The following TBC1D9B variants were observed in gnomAD, a reference collection of about 807,000 sequenced individuals.
The protein encoded by TBC1D9B is TBC1 domain family member 9B.
Under a neutral mutation model 121.1 loss-of-function variants are expected in TBC1D9B, and 87 were observed. That is an observed-to-expected ratio of 0.72 (90% CI 0.60 to 0.86). TBC1D9B has a LOEUF of 0.86. Ranked by LOEUF, TBC1D9B falls within the 40% of genes least tolerant of loss-of-function variation. The probability of loss-of-function intolerance (pLI) is 0.00; values close to 1 mark genes in which losing one functional copy is unlikely to be tolerated. For synonymous variants in TBC1D9B, 668 were observed against 670.1 expected (o/e 1.00, Z 0.05); for missense variants, 1,540 against 1,628.6 (o/e 0.95, Z 0.94).
intron 7 of TBC1D9B, among the ~76,000 whole-genome samples, chr5:179,886,426 A>G (rs994140431): frequency 1.3e-5 from 2 of 152,052 alleles, no homozygotes; most frequent in Non-Finnish European, 2.9e-5. Flanking sequence ...GTGGGGCCTC[A>G]TGGAGGCAGA....
intron 8 of TBC1D9B, 108 bp from the exon 9 acceptor site, chr5:179,879,305 A>G: frequency 1.4e-6 from 2 of 1,459,030 alleles, no homozygotes; most frequent in Non-Finnish European, 1.8e-6. Context: ...CTGGCCAGCA[A>G]GTGTGGCCTT....
Position 179,874,651 on chromosome 5 carries a change from A to G in TBC1D9B, c.2186+251T>C, listed in dbSNP as rs1490814329. ...TCAGGGGAAGCATCTCCAACCCTAC[A>G]TCTGAGCGGTGGCCCTCCAGCCAGC... On this transcript the variant is annotated intron_variant, in intron 12 of 20. Coordinates refer to ENST00000355235, the MANE Select transcript of TBC1D9B (RefSeq NM_015043.4). This position sits in a 1 kb window ranked among gnomAD's most constrained non-coding sequence, Gnocchi z 4.3. Among the ~76,000 whole-genome samples the G allele has an allele frequency of 2.0e-5, 3 of 152,166 alleles. No homozygotes were observed. The highest frequency in any genetic ancestry group is 1.9e-4 in the East Asian group (1 of 5,182).
chr5:179,907,592 G>T lies in TBC1D9B; in HGVS notation c.118+112C>A. ...CCGCCGCGCGCTGGCGTGCGTGTCCGCCGCGACGCGCCGAGGCCGGGCCGG... is the reference window on the plus strand; with the variant it reads ...CCGCCGCGCGCTGGCGTGCGTGTCCTCCGCGACGCGCCGAGGCCGGGCCGG... On this transcript the variant is annotated intron_variant, in intron 1 of 20. Coordinates refer to ENST00000355235, the MANE Select transcript of TBC1D9B (RefSeq NM_015043.4). The surrounding 1 kb of genome is among the most constrained non-coding windows in gnomAD (Gnocchi z 5.3). 2 of 518,846 alleles carry T rather than the reference G, an allele frequency of 3.9e-6. No homozygotes were observed. The highest frequency in any genetic ancestry group is 4.9e-6 in the Non-Finnish European group (2 of 406,558). The allele number at this position is 518,846 out of a possible 1,614,324, so 32.1% of individuals were successfully genotyped here. A position where few individuals can be genotyped will look rare whatever the true frequency, so the allele number is the denominator to read the frequency against.
chr5:179,870,127 T>C, intron 16 of TBC1D9B, 128 bp downstream of exon 16: 1 of 1,473,186 alleles, frequency 6.8e-7, no homozygotes, highest in Admixed American at 1.9e-5. Flanking sequence ...TTCCCGTATC[T>C]AGGGCCAGGG....
chr5:179,877,383 C>A lies in TBC1D9B; in HGVS notation c.1782+926G>T, dbSNP rs540578171. Among the ~76,000 whole-genome samples, 9 of 151,008 alleles carry A rather than the reference C, an allele frequency of 6.0e-5. No individual in the cohort carries two copies. The South Asian group carries it at 1.5e-3, about 25-fold the overall frequency. ...AATAAATTAAAAATAGAAATACTGGCCAGGCACAGTGGCTCACGCCTGTAA... is the reference window on the plus strand; with the variant it reads ...AATAAATTAAAAATAGAAATACTGGACAGGCACAGTGGCTCACGCCTGTAA... On this transcript the variant is annotated intron_variant, in intron 10 of 20. Coordinates refer to ENST00000355235, the MANE Select transcript of TBC1D9B (RefSeq NM_015043.4).
At chr5:179,873,058 C>A (rs1156774630) in intron 13 of TBC1D9B, 61 bp downstream of exon 13, 19 of 1,612,846 alleles carry the variant, frequency 1.2e-5, no homozygotes, top group Middle Eastern at 3.3e-4. Flanking sequence ...CTGCCCATAG[C>A]CACCCCAACC....
chr5:179,872,848 G>GGCCCCCCCCCCCCCCCCCCCCC, intron 14 of TBC1D9B, 44 bp downstream of exon 14: 24 of 1,457,180 alleles, frequency 1.6e-5, no homozygotes, highest in East Asian at 4.8e-5. Flanking sequence ...AGGCACTGCT[G>GGCCCCCCCCCCCCCCCCCCCCC]CCCCCCCAGC....
intron 17 of TBC1D9B, chr5:179,868,774 A>T (rs930869592): frequency 6.6e-6 from 1 of 152,582 alleles, no homozygotes; most frequent in East Asian, 1.9e-4. Flanking sequence ...GGGTGAGTGT[A>T]GCGGGCATGG....
chr5:179,874,411 G>T lies in TBC1D9B; in HGVS notation c.2186+491C>A, dbSNP rs544637523. ...TGGGGACTAAGGAGGGGGTGGAGGGGCTGGGATGACCCTGGACATTTGGCG... is the reference window on the plus strand; with the variant it reads ...TGGGGACTAAGGAGGGGGTGGAGGGTCTGGGATGACCCTGGACATTTGGCG... On this transcript the variant is annotated intron_variant, in intron 12 of 20. Transcript: ENST00000355235. The surrounding 1 kb of genome is among the most constrained non-coding windows in gnomAD (Gnocchi z 4.3). Among the ~76,000 whole-genome samples, 12 of 152,154 alleles carry T rather than the reference G, an allele frequency of 7.9e-5. No homozygotes were observed. The South Asian group carries it at 2.5e-3, about 32-fold the overall frequency.
chr5:179,882,848 A>G (rs941282077), intron 7 of TBC1D9B, among the ~76,000 whole-genome samples: 4 of 151,986 alleles, frequency 2.6e-5, no homozygotes, highest in African/African-American at 9.7e-5. Context: ...CCCCAACAAA[A>G]AGTTACTCTA....
At chr5:179,893,020 T>C (rs1472104969) in intron 5 of TBC1D9B, among the ~76,000 whole-genome samples, 189 bp downstream of exon 5, 1 of 152,240 alleles carries the variant, frequency 6.6e-6, no homozygotes, top group East Asian at 1.9e-4. Context: ...ACATCACTGC[T>C]ATCTCCTGCT....
At chr5:179,884,849 G>A (rs1760634096) in intron 7 of TBC1D9B, among the ~76,000 whole-genome samples, 1 of 152,190 alleles carries the variant, frequency 6.6e-6, no homozygotes, top group African/African-American at 2.4e-5. Flanking sequence ...CAGGGGCTGG[G>A]GGAGTGGGGG....
intron 7 of TBC1D9B, among the ~76,000 whole-genome samples, chr5:179,883,220 T>G (rs1467345251): frequency 6.6e-6 from 1 of 152,234 alleles, no homozygotes; most frequent in Non-Finnish European, 1.5e-5. Flanking sequence ...CAATATCGAC[T>G]ATTTTGTGTT....
chr5:179,893,758 C>T (rs1760939185), intron 4 of TBC1D9B, among the ~76,000 whole-genome samples: 1 of 152,114 alleles, frequency 6.6e-6, no homozygotes, highest in South Asian at 2.1e-4. Flanking sequence ...CCAGCAGCTC[C>T]CCCAAGTGGG....
chr5:179,891,313 G>A lies in TBC1D9B; in HGVS notation c.1044+66C>T. 1.9e-6 allele frequency: 3 copies of A among 1,577,550 alleles called. No individual in the cohort carries two copies. The highest frequency in any genetic ancestry group is 1.7e-6 in the Non-Finnish European group (2 of 1,149,126). On this transcript the variant is annotated intron_variant, in intron 6 of 20. Transcript: ENST00000355235. This position sits in a 1 kb window ranked among gnomAD's most constrained non-coding sequence, Gnocchi z 4.3. ...GAGACAGGGCAGAGCAGGACAGGCT[G>A]GTCCCTGAGCCCACTGACACCTCGG... is the stretch of plus-strand genomic sequence containing the variant.
rs1193172635 is a variant in TBC1D9B, at chr5:179,874,696, T to A, written c.2186+206A>T. On this transcript the variant is annotated intron_variant, in intron 12 of 20. Coordinates refer to ENST00000355235, the MANE Select transcript of TBC1D9B (RefSeq NM_015043.4). The surrounding 1 kb of genome is among the most constrained non-coding windows in gnomAD (Gnocchi z 4.3). ...GCCAGCATGCTCTGCCCGCAGTGCC[T>A]GCTTTACTCCTCCTGGCACCTATCA... Among the ~76,000 whole-genome samples the A allele has an allele frequency of 6.6e-6, 1 of 152,212 alleles. No individual in the cohort carries two copies. Among genetic ancestry groups the A allele is most frequent in the Non-Finnish European group, 1.5e-5 (1 of 68,028 alleles).
In TBC1D9B at chr5:179,863,131, A is replaced by T; in HGVS notation, c.*317T>A. The stretch of plus-strand genomic sequence containing the variant: ...GTGTGGAGCACAGAGGTATGAGGCA[A>T]GCAAGGGCAGATCTGAGAGCCTGTA... On this transcript the variant is annotated 3_prime_UTR_variant, in exon 21 of 21. Coordinates refer to ENST00000355235, the MANE Select transcript of TBC1D9B (RefSeq NM_015043.4). The surrounding 1 kb of genome is among the most constrained non-coding windows in gnomAD (Gnocchi z 4.5). The T allele has an allele frequency of 2.7e-6, 1 of 368,748 alleles. No homozygotes were observed. Among genetic ancestry groups the T allele is most frequent in the Non-Finnish European group, 5.0e-6 (1 of 200,062 alleles). The allele number at this position is 368,748 out of a possible 1,614,324, so 22.8% of individuals were successfully genotyped here.
intron 3 of TBC1D9B, among the ~76,000 whole-genome samples, chr5:179,898,177 A>G (rs1337598542): frequency 1.3e-5 from 2 of 149,768 alleles, no homozygotes; most frequent in African/African-American, 2.5e-5. Context: ...TTTGAGACGA[A>G]GTCTCATTCT....
intron 14 of TBC1D9B, chr5:179,871,777 A>G (rs1306292660): frequency 1.9e-5 from 8 of 426,692 alleles, no homozygotes; most frequent in African/African-American, 1.5e-4. Flanking sequence ...TCTCTCTCTC[A>G]CACTCCGGGC....
Sources: allele counts gnomAD v4.1 joint callset (sites outside exome capture counted in the v4.1 genomes callset), GRCh38; gene constraint gnomAD v4.1.1; non-coding constraint Gnocchi (gnomAD v3.1); transcripts MANE v1.5; gene names NCBI Gene and HGNC (gene_info 2026-07-23, HGNC 2026-07-21).